Variants in HPSE2 observed in about 807,000 individuals in gnomAD.
HPSE2 encodes inactive heparanase-2.
In HPSE2, 38 loss-of-function variants were observed where a neutral mutation model predicts 60.5. That is an observed-to-expected ratio of 0.63 (90% confidence interval 0.48 to 0.82). The LOEUF (loss-of-function observed/expected upper bound fraction) is 0.82. HPSE2 is among the 40% of genes least tolerant of loss of function. HPSE2 has a pLI of 0.00. For missense variants in HPSE2, 713 were observed against 740.4 expected (o/e 0.96, Z 0.43); for synonymous variants, 295 against 293.2 (o/e 1.01, Z -0.06).
At chr10:99,052,112 C>T (rs1267369517) in intron 3 of HPSE2, among the ~76,000 whole-genome samples, 1 of 151,576 alleles carries the variant, frequency 6.6e-6, no homozygotes, top group African/African-American at 2.4e-5. Context: ...CCCAAACTGA[C>T]ACAGACGTTA....
At chr10:98,538,788 C>T (rs1007943571) in intron 9 of HPSE2, among the ~76,000 whole-genome samples, 1 of 152,138 alleles carries the variant, frequency 6.6e-6, no homozygotes, top group African/African-American at 2.4e-5. Flanking sequence ...GACATATATT[C>T]ATCTCTAGAG....
At chr10:98,489,061 T>C (rs1941547676) in intron 10 of HPSE2, among the ~76,000 whole-genome samples, 1 of 152,222 alleles carries the variant, frequency 6.6e-6, no homozygotes, top group African/African-American at 2.4e-5. Flanking sequence ...CCTTGATCAG[T>C]TCCTGATAGG....
chr10:98,506,260 A>G (rs1429490824), intron 9 of HPSE2, among the ~76,000 whole-genome samples: 2 of 152,146 alleles, frequency 1.3e-5, no homozygotes, highest in Non-Finnish European at 2.9e-5. Context: ...TATAATGAAA[A>G]TAAATCTTTA....
intron 3 of HPSE2, chr10:99,013,967 C>A (rs1957075334): frequency 1.0e-5 from 4 of 395,498 alleles, no homozygotes; most frequent in South Asian, 5.8e-5. Context: ...GGGCAGTGGA[C>A]CCTGCCTCCA....
chr10:99,165,493 C>A (rs1847039880), intron 2 of HPSE2, among the ~76,000 whole-genome samples: 1 of 151,764 alleles, frequency 6.6e-6, no homozygotes, highest in Non-Finnish European at 1.5e-5. Flanking sequence ...TGCATACAGT[C>A]CTGTGGGTTT....
intron 3 of HPSE2, among the ~76,000 whole-genome samples, chr10:98,985,934 A>G (rs2135318634): frequency 6.6e-6 from 1 of 152,354 alleles, no homozygotes; most frequent in East Asian, 1.9e-4. Flanking sequence ...TTCAACAAGA[A>G]GAGCTAACTA....
chr10:98,460,758 C>G (rs1303857270), intron 11 of HPSE2, among the ~76,000 whole-genome samples: 1 of 152,188 alleles, frequency 6.6e-6, no homozygotes, highest in Non-Finnish European at 1.5e-5. Flanking sequence ...CCACTTTCAC[C>G]CTGAGAAGGG....
rs1842671846 is a variant in HPSE2 at position 99,068,111 on chromosome 10, T to C, written c.610+76127A>G. On this transcript the variant is annotated intron_variant, in intron 3 of 11. Transcript: ENST00000370552. ...CTCAGCCTGAACCTTCTTGCCCATA[T>C]CACTATCAGCATTTTGCTCAAAGCC... Among the ~76,000 whole-genome samples, 2 of 152,132 alleles carry C rather than the reference T, an allele frequency of 1.3e-5. 1 individual carries two copies. The highest frequency in any genetic ancestry group is 4.1e-4 in the South Asian group (2 of 4,826).
chr10:98,665,980 A>C (rs1253643087), intron 6 of HPSE2, among the ~76,000 whole-genome samples: 3 of 152,206 alleles, frequency 2.0e-5, no homozygotes, highest in Non-Finnish European at 2.9e-5. Context: ...CTTAAAAGGC[A>C]TAGAGTGACA....
intron 3 of HPSE2, among the ~76,000 whole-genome samples, chr10:99,116,223 A>T (rs1194500228): frequency 6.6e-6 from 1 of 151,942 alleles, no homozygotes; most frequent in Non-Finnish European, 1.5e-5. Context: ...ATCTAGATTC[A>T]AACTCTAACA....
At chr10:98,930,105 A>T (rs1339047950) in intron 3 of HPSE2, among the ~76,000 whole-genome samples, 3 of 143,160 alleles carry the variant, frequency 2.1e-5, no homozygotes, top group Non-Finnish European at 3.0e-5. Context: ...TAAGCCCAGC[A>T]TGCATCAGCT....
At chr10:98,538,262 C>T (rs1258994644) in intron 9 of HPSE2, among the ~76,000 whole-genome samples, 2 of 152,194 alleles carry the variant, frequency 1.3e-5, no homozygotes, top group Non-Finnish European at 2.9e-5. Flanking sequence ...TTCGTCTCCG[C>T]ACATGGGGAG....
At chr10:99,258,390 A>AAT in the HPSE2 span, among the ~76,000 whole-genome samples, 2,846 of 147,606 alleles carry the variant, frequency 0.019, 47 homozygotes, top group Middle Eastern at 0.09. Context: ...TAAATGGAGT[A>AAT]ATATATATAT....
At chr10:99,204,877 G>A (rs1848692498) in intron 2 of HPSE2, among the ~76,000 whole-genome samples, 1 of 152,156 alleles carries the variant, frequency 6.6e-6, no homozygotes, top group Non-Finnish European at 1.5e-5. Context: ...TAAAATATAT[G>A]CAAATCTTTA....
intron 11 of HPSE2, among the ~76,000 whole-genome samples, chr10:98,476,928 T>C (rs758477013): frequency 4.6e-5 from 7 of 152,208 alleles, no homozygotes; most frequent in Non-Finnish European, 7.3e-5. Flanking sequence ...GAGCCTATGA[T>C]GAAATGAACC....
At chr10:99,245,162 C>T in the HPSE2 span, among the ~76,000 whole-genome samples, 1 of 152,020 alleles carries the variant, frequency 6.6e-6, no homozygotes, top group Non-Finnish European at 1.5e-5. Context: ...AGTCTTTTCC[C>T]CTTTCAAGTA....
chr10:98,697,121 A>C (rs1018981188), intron 5 of HPSE2, among the ~76,000 whole-genome samples: 5 of 152,226 alleles, frequency 3.3e-5, no homozygotes, highest in African/African-American at 1.2e-4. Context: ...GTGCCTCTCC[A>C]GCAAGGGCAC....
intron 3 of HPSE2, among the ~76,000 whole-genome samples, chr10:98,830,226 T>C (rs1240184503): frequency 1.3e-5 from 2 of 152,142 alleles, no homozygotes; most frequent in Non-Finnish European, 2.9e-5. Flanking sequence ...CCTGTGTTAA[T>C]AGAGATTACA....
At chr10:98,599,625 C>T (rs1945342090) in intron 9 of HPSE2, among the ~76,000 whole-genome samples, 1 of 152,146 alleles carries the variant, frequency 6.6e-6, no homozygotes, top group African/African-American at 2.4e-5. Flanking sequence ...TGTTCACTTC[C>T]CTCTCCTTCC....
Sources: gnomAD v4.1 joint callset for allele counts (sites outside exome capture counted in the v4.1 genomes callset) on GRCh38, gnomAD v4.1.1 for gene constraint, MANE v1.5 for transcripts, NCBI Gene and HGNC (gene_info 2026-07-23, HGNC 2026-07-21) for gene names.